The following GBP7 variants were observed in gnomAD, a reference collection of about 807,000 sequenced individuals.
GBP7 encodes guanylate-binding protein 7.
A neutral mutation model predicts 61.3 loss-of-function variants in GBP7; 43 were observed. The ratio of observed to expected loss-of-function variants is 0.70; its 90% CI spans 0.55 to 0.91. The LOEUF is 0.91. GBP7 is among the 40% of genes least tolerant of loss of function. The pLI is 0.00. For synonymous variants in GBP7, 267 were observed against 271.0 expected (o/e 0.99, Z 0.14); for missense variants, 717 against 740.5 (o/e 0.97, Z 0.37).
chr1:89,157,278 CA>C (rs1459893055), intron 3 of GBP7, among the ~76,000 whole-genome samples: 9 of 152,134 alleles, frequency 5.9e-5, no homozygotes, highest in African/African-American at 2.2e-4. Flanking sequence ...GACATCCTAA[CA>C]TCACAATTAA....
Position 89,171,920 on chromosome 1 carries a change from G to A in GBP7, c.16C>T (p.His6Tyr), listed in dbSNP as rs796108034. 6.8e-6 allele frequency: 11 copies of A among 1,612,338 alleles called. No homozygotes were observed. The highest frequency in any genetic ancestry group is 1.7e-5 in the Admixed American group (1 of 59,954). ...GTGAGGCACACTGGGCCTGGCATGT[G>A]GATCTCTGATGCCATGTTCAGGGCG... MASEI[H>Y]MPGPVCLTEN... The change falls in exon 2 of 11, where the codon CAC becomes TAC. Residue 6 changes from histidine to tyrosine, a missense_variant. Physicochemically the swap from His to Tyr is moderately conservative, Grantham distance 83. This residue lies in a region of GBP7 where 387 missense variants were observed against 385.2 expected (regional missense o/e 1.00). Transcript: ENST00000294671.
intron 1 of GBP7, among the ~76,000 whole-genome samples, chr1:89,172,907 T>C (rs1314091247): frequency 6.6e-6 from 1 of 152,176 alleles, no homozygotes; most frequent in African/African-American, 2.4e-5. Flanking sequence ...TTATTTATTT[T>C]GTTTGCTCAT....
At chr1:89,155,506 C>T (rs1391508531) in intron 3 of GBP7, among the ~76,000 whole-genome samples, 2 of 152,074 alleles carry the variant, frequency 1.3e-5, no homozygotes, top group East Asian at 1.9e-4. Context: ...ATAGAGAAGA[C>T]CTTAAATAAC....
At chr1:89,166,730 A>G (rs1297934495) in intron 2 of GBP7, among the ~76,000 whole-genome samples, 2 of 152,224 alleles carry the variant, frequency 1.3e-5, no homozygotes, top group Non-Finnish European at 2.9e-5. Flanking sequence ...GATGTTGCCA[A>G]TCCACAACCT....
In GBP7 at chr1:89,150,324, A is replaced by G; in HGVS notation, c.871+6T>C. The G allele has an allele frequency of 6.2e-7, 1 of 1,611,972 alleles. No individual in the cohort carries two copies. Among genetic ancestry groups the G allele is most frequent in the Non-Finnish European group, 8.5e-7 (1 of 1,178,180 alleles). On this transcript the variant is annotated splice_donor_region_variant and intron_variant, in intron 6 of 10. Coordinates refer to ENST00000294671, the MANE Select transcript of GBP7 (RefSeq NM_207398.3). The stretch of plus-strand genomic sequence containing the variant: ...AGTAAACACCCATATAGGGAAATAG[A>G]CTCACGGTTTCCAGTGACAAGGATT...
chr1:89,150,020 T>A (rs1287716745), intron 6 of GBP7, among the ~76,000 whole-genome samples: 1 of 152,196 alleles, frequency 6.6e-6, no homozygotes, highest in Admixed American at 6.5e-5. Context: ...CTCTTTTCTA[T>A]ACAGAGCACT....
At chr1:89,167,951 G>A (rs955693924) in intron 2 of GBP7, among the ~76,000 whole-genome samples, 1 of 152,098 alleles carries the variant, frequency 6.6e-6, no homozygotes, top group Admixed American at 6.6e-5. Context: ...TTTCTCCTGG[G>A]ACTCTAGCCA....
At chr1:89,150,669 G>T in intron 5 of GBP7, 94 bp from the exon 6 acceptor site, 2 of 1,238,022 alleles carry the variant, frequency 1.6e-6, no homozygotes, top group Non-Finnish European at 2.3e-6. Flanking sequence ...AATCACTACA[G>T]TCTCTTGTGT....
rs1014982458 is a variant in GBP7 at position 89,142,369 on chromosome 1, C to T, written c.1366-721G>A. ...GGGCTGAATGCTGCTGCCTCAGCCTCCTGCATAGCCAGGACTACAGATGTG... is the reference window on the plus strand; with the variant it reads ...GGGCTGAATGCTGCTGCCTCAGCCTTCTGCATAGCCAGGACTACAGATGTG... On this transcript the variant is annotated intron_variant, in intron 8 of 10. Coordinates refer to ENST00000294671, the MANE Select transcript of GBP7 (RefSeq NM_207398.3). 3.9e-4 allele frequency among the ~76,000 whole-genome samples: 59 copies of T among 152,120 alleles called. 1 individual carries two copies. Among genetic ancestry groups the T allele is most frequent in the Non-Finnish European group, 5.9e-5 (4 of 68,036 alleles).
intron 7 of GBP7, among the ~76,000 whole-genome samples, chr1:89,148,885 G>T (rs1340603365): frequency 6.6e-6 from 1 of 152,028 alleles, no homozygotes; most frequent in South Asian, 2.1e-4. Flanking sequence ...AGGTTATTTT[G>T]AAATGTAACA....
Position 89,149,345 on chromosome 1 carries a change from AGACT to A in GBP7, c.1095_1098del (p.Val366SerfsTer51). The A allele has an allele frequency of 1.2e-6, 2 of 1,614,074 alleles. No individual in the cohort carries two copies. The highest frequency in any genetic ancestry group is 1.7e-6 in the Non-Finnish European group (2 of 1,179,970). ...TTATCTTTGAAGGAGTACTCCATGAAGACTGCAATGGCTTCCCTCTCACAAACTG... is the reference window on the plus strand; with the variant it reads ...TTATCTTTGAAGGAGTACTCCATGAAGCAATGGCTTCCCTCTCACAAACTG... On this transcript the variant is annotated frameshift_variant, in exon 7 of 11. Coordinates refer to ENST00000294671, the MANE Select transcript of GBP7 (RefSeq NM_207398.3). LOFTEE classifies it high-confidence loss of function.
At chr1:89,153,760 A>AGTGAGAAG (rs1362663229) in intron 3 of GBP7, among the ~76,000 whole-genome samples, 2 of 152,242 alleles carry the variant, frequency 1.3e-5, no homozygotes, top group African/African-American at 4.8e-5. Flanking sequence ...AAAAATGGGA[A>AGTGAGAAG]GTGAGAAGGA....
intron 3 of GBP7, among the ~76,000 whole-genome samples, chr1:89,155,138 C>T (rs1342343115): frequency 6.6e-6 from 1 of 152,184 alleles, no homozygotes; most frequent in African/African-American, 2.4e-5. Flanking sequence ...AGCTGAAGGC[C>T]CTGACTGTTA....
At chr1:89,174,228 G>A (rs1021108326) in intron 1 of GBP7, among the ~76,000 whole-genome samples, 36 of 152,162 alleles carry the variant, frequency 2.4e-4, no homozygotes, top group African/African-American at 8.7e-4. Context: ...TTATGCATGT[G>A]TATTTTTATA....
intron 2 of GBP7, among the ~76,000 whole-genome samples, chr1:89,165,942 C>T (rs578043830): frequency 6.6e-6 from 1 of 152,206 alleles, no homozygotes; most frequent in East Asian, 1.9e-4. Context: ...TTCATTGTTC[C>T]TTCTGCCCGT....
intron 1 of GBP7, among the ~76,000 whole-genome samples, chr1:89,174,340 A>G (rs1431048630): frequency 5.3e-5 from 8 of 152,044 alleles, no homozygotes; most frequent in Non-Finnish European, 1.0e-4. Context: ...TCCTCTCCAG[A>G]AAGTTGTACA....
At position 89,131,975 on chromosome 1, in the gene GBP7, C is replaced by T. The variant is rs1212029423; in HGVS notation, c.*174G>A. On this transcript the variant is annotated 3_prime_UTR_variant, in exon 11 of 11. Transcript: ENST00000294671. The stretch of plus-strand genomic sequence containing the variant: ...AATAATTTTATCTTCTAACTTGTTC[C>T]CCATTTCTATTAATTATTACTTTAG... 1.1e-5 allele frequency: 5 copies of T among 465,346 alleles called. No individual in the cohort carries two copies. Among genetic ancestry groups the T allele is most frequent in the South Asian group, 9.6e-5 (2 of 20,882 alleles). 28.8% of individuals were successfully genotyped at this position (465,346 alleles called of 1,614,324 possible).
rs188868478 is a variant in GBP7, at chr1:89,159,688, C to G, written c.318+5043G>C. Among the ~76,000 whole-genome samples the G allele has an allele frequency of 4.7e-4, 71 of 152,232 alleles. No homozygotes were observed. In the East Asian group the frequency reaches 0.012, roughly 26 times the overall value. On this transcript the variant is annotated intron_variant, in intron 3 of 10. Transcript: ENST00000294671. ...TACCATGTCACACCAGTTAGAATGG[C>G]AATCATTAAAAAGTCAGGAAACAAC...
chr1:89,150,342 C>T lies in GBP7; in HGVS notation c.859G>A (p.Val287Ile). 6.2e-7 allele frequency: 1 copy of T among 1,613,014 alleles called. No individual in the cohort carries two copies. Residue 287 changes from valine to isoleucine, a missense_variant, in exon 6 of 11, where the codon GTC (valine) becomes ATC (isoleucine). Around this residue, in one of 3 missense-constraint regions of GBP7, gnomAD observed 387 missense variants for 385.2 expected, o/e 1.00. Coordinates refer to ENST00000294671, the MANE Select transcript of GBP7 (RefSeq NM_207398.3). ...KTKTLREGIL[V>I]TGNRLGMLVE... is the part of the protein sequence containing the mutation. ...GAAATAGACTCACGGTTTCCAGTGA[C>T]AAGGATTCCCTCTCTCAGGGTCTTG... is the stretch of plus-strand genomic sequence containing the variant.
Sources: allele counts gnomAD v4.1 joint callset (sites outside exome capture counted in the v4.1 genomes callset), GRCh38; gene constraint gnomAD v4.1.1; regional missense constraint gnomAD v4.1.1; transcripts MANE v1.5; gene names NCBI Gene and HGNC (gene_info 2026-07-23, HGNC 2026-07-21).